EDA: variants seen among roughly 807,000 people sequenced by gnomAD.
The protein encoded by EDA is ectodysplasin A, also known as ectodysplasin-A.
In EDA, 2 loss-of-function variants were observed where a neutral mutation model predicts 23.6. The observed-to-expected ratio is 0.08, with a 90% CI of 0.03 to 0.27. EDA has a LOEUF of 0.27. Among genes scored for constraint, EDA ranks in the 10% least tolerant of loss-of-function variants. EDA has a pLI of 1.00. For missense variants in EDA, 229 were observed against 324.2 expected, an observed-to-expected ratio of 0.71 and a Z score of 2.26; for synonymous variants, 131 against 132.0, an observed-to-expected ratio of 0.99 and a Z score of 0.05.
chrX:69,972,741 G>C (rs2019265004), intron 2 of EDA, among the ~76,000 whole-genome samples: 1 of 111,480 alleles, frequency 9.0e-6, no homozygotes, highest in African/African-American at 3.3e-5. Flanking sequence ...AATGTTATTT[G>C]AAAAACCAAT....
intron 1 of EDA, among the ~76,000 whole-genome samples, chrX:69,666,796 T>A (rs1328712428): frequency 1.8e-5 from 2 of 112,261 alleles, no homozygotes; most frequent in Non-Finnish European, 3.8e-5. Context: ...CAGGTGATGC[T>A]GGCCTCATAA....
chrX:69,747,460 G>A (rs187372163), intron 1 of EDA, among the ~76,000 whole-genome samples: 25 of 112,703 alleles, frequency 2.2e-4, no homozygotes, highest in African/African-American at 8.0e-4. Flanking sequence ...CAAGGAATGT[G>A]GATTTTATTC....
At chrX:69,885,189 A>G (rs2017809661) in intron 1 of EDA, among the ~76,000 whole-genome samples, 1 of 112,265 alleles carries the variant, frequency 8.9e-6, no homozygotes, top group African/African-American at 3.2e-5. Flanking sequence ...TTATTGTGGT[A>G]AAATATAAAT....
chrX:69,762,202 G>C (rs764783229), intron 1 of EDA, among the ~76,000 whole-genome samples: 1 of 111,586 alleles, frequency 9.0e-6, no homozygotes, highest in Non-Finnish European at 1.9e-5. Flanking sequence ...TGAATTTTTC[G>C]TGAATAGTAG....
intron 1 of EDA, among the ~76,000 whole-genome samples, chrX:69,918,072 A>T (rs762070399): frequency 9.0e-6 from 1 of 110,788 alleles, no homozygotes; most frequent in Admixed American, 9.6e-5. Flanking sequence ...TTATGCCTAA[A>T]CTGAATTTAT....
intron 1 of EDA, among the ~76,000 whole-genome samples, chrX:69,791,940 C>T (rs913637586): frequency 1.8e-5 from 2 of 112,255 alleles, no homozygotes; most frequent in African/African-American, 6.5e-5. Context: ...CTGCACCCGG[C>T]AACAATTGTA....
chrX:69,898,674 T>C (rs1312130960), intron 1 of EDA, among the ~76,000 whole-genome samples: 1 of 112,221 alleles, frequency 8.9e-6, no homozygotes, highest in Non-Finnish European at 1.9e-5. Flanking sequence ...TTTCCTGATA[T>C]CTGAATATGT....
At chrX:69,980,603 T>C (rs947262281) in intron 2 of EDA, among the ~76,000 whole-genome samples, 1 of 112,559 alleles carries the variant, frequency 8.9e-6, no homozygotes, top group African/African-American at 3.2e-5. Context: ...AAAATTATTT[T>C]ATAAAAACTA....
chrX:69,966,931 A>G lies in EDA; in HGVS notation c.502+9799A>G, dbSNP rs1234074474. On this transcript the variant is annotated intron_variant, in intron 2 of 7. Coordinates refer to ENST00000374552, the MANE Select transcript of EDA (RefSeq NM_001399.5). ...AACATATATTTTTTATTTTATATGT[A>G]AACATATATAAAATATTTTATAAAT... Among the ~76,000 whole-genome samples the G allele has an allele frequency of 4.6e-5, 5 of 109,085 alleles. No homozygotes were observed. In the East Asian group the frequency reaches 1.4e-3, roughly 31 times the overall value. 94.7% of individuals were successfully genotyped at this position (109,085 alleles called of 115,157 possible).
At chrX:69,770,822 AT>A (rs57736045) in intron 1 of EDA, among the ~76,000 whole-genome samples, 35,996 of 109,040 alleles carry the variant, frequency 0.33, 5,076 homozygotes, top group Middle Eastern at 0.55. Flanking sequence ...ATTTGCTCAT[AT>A]TTTTTTTCTA....
intron 1 of EDA, among the ~76,000 whole-genome samples, chrX:69,782,291 A>G (rs2147447648): frequency 9.3e-6 from 1 of 107,488 alleles, no homozygotes; most frequent in East Asian, 2.9e-4. Flanking sequence ...GTCATGCACA[A>G]AACTTAATTA....
At chrX:69,670,364 G>C (rs1933847867) in intron 1 of EDA, 1 of 335,510 alleles carries the variant, frequency 3.0e-6, no homozygotes, top group Non-Finnish European at 5.1e-6. Context: ...TTTGATGATA[G>C]TGTACCTTAG....
chrX:69,803,175 A>G (rs2015734303), intron 1 of EDA, among the ~76,000 whole-genome samples: 1 of 111,569 alleles, frequency 9.0e-6, no homozygotes, highest in African/African-American at 3.2e-5. Flanking sequence ...TATTCTCTGT[A>G]TTAGAATGCA....
chrX:69,630,855 C>T (rs1467353488), intron 1 of EDA, among the ~76,000 whole-genome samples: 1 of 111,327 alleles, frequency 9.0e-6, no homozygotes, highest in Non-Finnish European at 1.9e-5. Flanking sequence ...GGCCCTCTGA[C>T]AATTTATTTC....
intron 1 of EDA, among the ~76,000 whole-genome samples, chrX:69,711,935 A>C (rs1213285719): frequency 9.0e-6 from 1 of 110,985 alleles, no homozygotes; most frequent in African/African-American, 3.3e-5. Context: ...TGATCTTTTC[A>C]AAAAACCAGC....
chrX:69,919,155 A>G (rs2018389895), intron 1 of EDA, among the ~76,000 whole-genome samples: 1 of 111,829 alleles, frequency 8.9e-6, no homozygotes, highest in Non-Finnish European at 1.9e-5. Flanking sequence ...GGCCAGAGGG[A>G]TTGATTTATG....
At chrX:69,853,826 T>C (rs1298888440) in intron 1 of EDA, among the ~76,000 whole-genome samples, 1 of 110,198 alleles carries the variant, frequency 9.1e-6, no homozygotes, top group Admixed American at 9.8e-5. Flanking sequence ...GTACAGTCTT[T>C]GTTGCATACT....
chrX:69,907,179 GT>G (rs1773825869), intron 1 of EDA, among the ~76,000 whole-genome samples: 1 of 111,517 alleles, frequency 9.0e-6, no homozygotes, highest in African/African-American at 3.2e-5. Flanking sequence ...AGATAGGTAT[GT>G]CCCCCTTGTC....
intron 1 of EDA, among the ~76,000 whole-genome samples, chrX:69,784,785 G>A (rs1239371493): frequency 9.4e-6 from 1 of 105,991 alleles, no homozygotes; most frequent in Non-Finnish European, 1.9e-5. Flanking sequence ...GCTCTTTTTT[G>A]GTTCCATATG....
Sources: gnomAD v4.1 joint callset for allele counts (sites outside exome capture counted in the v4.1 genomes callset) on GRCh38, gnomAD v4.1.1 for gene constraint, MANE v1.5 for transcripts, NCBI Gene and HGNC (gene_info 2026-07-23, HGNC 2026-07-21) for gene names.